LRBA: variants seen among roughly 807,000 people sequenced by gnomAD.
LRBA encodes the protein LPS responsive beige-like anchor protein, also known as lipopolysaccharide-responsive and beige-like anchor protein.
LRBA carries 176 observed loss-of-function variants against 330.0 expected under a neutral mutation model. That is an observed-to-expected ratio of 0.53 (90% confidence interval 0.47 to 0.60). The LOEUF (loss-of-function observed/expected upper bound fraction) is 0.60. LRBA is among the 20% of genes least tolerant of loss of function. The pLI, the probability that LRBA is intolerant of heterozygous loss-of-function variation, is 0.00. For missense variants in LRBA, 3,259 were observed against 3,444.8 expected, an observed-to-expected ratio of 0.95 and a Z score of 1.35; for synonymous variants, 1,230 against 1,193.0, an observed-to-expected ratio of 1.03 and a Z score of -0.64.
At chr4:151,005,409 G>A (rs1165270496) in intron 2 of LRBA, among the ~76,000 whole-genome samples, 5 of 106,592 alleles carry the variant, frequency 4.7e-5, no homozygotes, top group African/African-American at 1.9e-4. Flanking sequence ...TTGCACTTCA[G>A]CCCAGACAAC....
chr4:150,803,293 A>G (rs975735503), intron 33 of LRBA, among the ~76,000 whole-genome samples: 2 of 151,932 alleles, frequency 1.3e-5, no homozygotes, highest in Admixed American at 6.6e-5. Flanking sequence ...GTTGAATGAC[A>G]TGACATCTAA....
chr4:150,469,684 C>G (rs1755852531), intron 43 of LRBA, among the ~76,000 whole-genome samples: 1 of 151,992 alleles, frequency 6.6e-6, no homozygotes, highest in Non-Finnish European at 1.5e-5. Context: ...TCAATGTGAG[C>G]CCCTCAACTT....
intron 40 of LRBA, among the ~76,000 whole-genome samples, chr4:150,528,190 A>G (rs997218621): frequency 6.6e-6 from 1 of 152,098 alleles, no homozygotes; most frequent in South Asian, 2.1e-4. Flanking sequence ...TTTGGAAGAT[A>G]GGGATAGGGA....
At chr4:150,516,217 C>CTTTTTTTTTTTTTTTT (rs869205771) in intron 40 of LRBA, among the ~76,000 whole-genome samples, 12 of 29,450 alleles carry the variant, frequency 4.1e-4, no homozygotes, top group African/African-American at 9.0e-4. Context: ...TTTCTATTCT[C>CTTTTTTTTTTTTTTTT]TTTTTTTTTT....
intron 53 of LRBA, among the ~76,000 whole-genome samples, chr4:150,289,962 T>C (rs1296705992): frequency 6.6e-6 from 1 of 152,206 alleles, no homozygotes; most frequent in South Asian, 2.1e-4. Context: ...GCTTTACATG[T>C]GGCTCACAGA....
At chr4:150,526,343 C>A (rs1445071847) in intron 40 of LRBA, among the ~76,000 whole-genome samples, 1 of 152,156 alleles carries the variant, frequency 6.6e-6, no homozygotes, top group Non-Finnish European at 1.5e-5. Flanking sequence ...AGGTTACATC[C>A]CTTAACCTCC....
intron 17 of LRBA, among the ~76,000 whole-genome samples, chr4:150,886,877 T>C (rs1203908237): frequency 6.6e-6 from 1 of 152,136 alleles, no homozygotes; most frequent in Non-Finnish European, 1.5e-5. Flanking sequence ...AAACAACAGA[T>C]GTCAATGAGA....
chr4:150,668,075 T>C (rs979332592), intron 37 of LRBA, among the ~76,000 whole-genome samples: 1 of 152,246 alleles, frequency 6.6e-6, no homozygotes. Flanking sequence ...TCTATGCATT[T>C]GGCCTACAGT....
chr4:150,626,924 A>G (rs1002092497), intron 37 of LRBA, among the ~76,000 whole-genome samples: 46 of 152,256 alleles, frequency 3.0e-4, no homozygotes, highest in African/African-American at 1.1e-3. Context: ...TTTTTAAAAC[A>G]GTAACTCACT....
intron 33 of LRBA, among the ~76,000 whole-genome samples, chr4:150,804,419 G>A (rs1217093313): frequency 6.6e-6 from 1 of 152,196 alleles, no homozygotes. Context: ...AGGGTCAAAC[G>A]AAGTGCTCAT....
intron 48 of LRBA, among the ~76,000 whole-genome samples, chr4:150,338,445 T>C (rs1273930429): frequency 6.6e-6 from 1 of 152,202 alleles, no homozygotes. Context: ...AAAGCACAGA[T>C]AATATTGTTC....
intron 36 of LRBA, among the ~76,000 whole-genome samples, chr4:150,685,999 A>G (rs183679588): frequency 6.6e-6 from 1 of 152,332 alleles, no homozygotes; most frequent in East Asian, 1.9e-4. Flanking sequence ...CAGGAATCAT[A>G]GTATACTTAT....
In LRBA at chr4:150,900,121, T is replaced by C. The variant is rs1264492035; in HGVS notation, c.1852A>G (p.Met618Val). 1.9e-6 allele frequency: 3 copies of C among 1,613,032 alleles called. No individual in the cohort carries two copies. Among genetic ancestry groups the C allele is most frequent in the African/African-American group, 1.3e-5 (1 of 74,892 alleles). Residue 618 changes from methionine (M) to valine (V), a missense_variant, in exon 14 of 57, where the codon ATG becomes GTG. Met to Val is a conservative substitution (Grantham distance 21). Coordinates refer to ENST00000651943, the MANE Select transcript of LRBA (RefSeq NM_001364905.1). ...IRRVGTVLLI[M>V]HTLKYYYWAV... is the part of the protein sequence containing the mutation. ...CAGTAGTAGTACTTCAGCGTGTGCA[T>C]GATGAGAAGCACTGTTCCAACTCTC...
At chr4:150,897,708 G>GT in intron 15 of LRBA, 31 bp downstream of exon 15, 1 of 1,431,880 alleles carries the variant, frequency 7.0e-7, no homozygotes, top group South Asian at 1.2e-5. Flanking sequence ...TCAATACACG[G>GT]TATGCTATGG....
chr4:150,894,924 T>C (rs979110187), intron 16 of LRBA, among the ~76,000 whole-genome samples: 10 of 152,066 alleles, frequency 6.6e-5, no homozygotes, highest in African/African-American at 2.4e-4. Flanking sequence ...GAGGAAAAAA[T>C]ATCATAATCA....
At chr4:150,841,112 C>T in intron 28 of LRBA, 1 of 320,646 alleles carries the variant, frequency 3.1e-6, no homozygotes, top group Non-Finnish European at 5.7e-6. Flanking sequence ...TTTCTCTAGA[C>T]ATACCCATGT....
intron 38 of LRBA, among the ~76,000 whole-genome samples, chr4:150,594,121 C>A (rs1328825769): frequency 6.6e-6 from 1 of 152,044 alleles, no homozygotes; most frequent in Non-Finnish European, 1.5e-5. Flanking sequence ...TGGAATTGTT[C>A]AAGCTCCACT....
At chr4:150,535,954 T>G (rs1465290176) in intron 40 of LRBA, among the ~76,000 whole-genome samples, 1 of 152,180 alleles carries the variant, frequency 6.6e-6, no homozygotes, top group African/African-American at 2.4e-5. Context: ...CATCATCAAC[T>G]ATAGTTCACC....
chr4:150,661,470 A>C (rs1379420636), intron 37 of LRBA, among the ~76,000 whole-genome samples: 2 of 114,852 alleles, frequency 1.7e-5, no homozygotes, highest in African/African-American at 8.7e-5. Flanking sequence ...ACTCTGTCTC[A>C]AAAAAAAAAA....
Sources: gnomAD v4.1 joint callset for allele counts (sites outside exome capture counted in the v4.1 genomes callset) on GRCh38, gnomAD v4.1.1 for gene constraint, MANE v1.5 for transcripts, NCBI Gene and HGNC (gene_info 2026-07-23, HGNC 2026-07-21) for gene names.